Variants in CFAP61 observed in about 807,000 individuals in gnomAD.
The protein encoded by CFAP61 is cilia- and flagella-associated protein 61.
CFAP61 carries 107 observed loss-of-function variants against 135.6 expected under a neutral mutation model. That is an observed-to-expected ratio of 0.79 (90% confidence interval 0.67 to 0.93). The LOEUF (loss-of-function observed/expected upper bound fraction) is 0.93. Ranked by LOEUF, CFAP61 falls within the 40% of genes least tolerant of loss-of-function variation. The pLI is 0.00. For missense variants in CFAP61, 1,507 were observed against 1,556.2 expected (o/e 0.97, Z 0.53); for synonymous variants, 575 against 578.5 (o/e 0.99, Z 0.09).
chr20:20,171,216 G>GT (rs1353039083), intron 13 of CFAP61, among the ~76,000 whole-genome samples: 1 of 152,172 alleles, frequency 6.6e-6, no homozygotes, highest in Non-Finnish European at 1.5e-5. Context: ...CTAAACTGTT[G>GT]TATCAGAGTG....
At chr20:20,180,318 G>C (rs1415078605) in intron 13 of CFAP61, among the ~76,000 whole-genome samples, 1 of 150,522 alleles carries the variant, frequency 6.6e-6, no homozygotes, top group Non-Finnish European at 1.5e-5. Flanking sequence ...AACAGAGTGA[G>C]ACTCTGTCTC....
chr20:20,355,811 C>T (rs1887631137), intron 26 of CFAP61, among the ~76,000 whole-genome samples: 1 of 134,048 alleles, frequency 7.5e-6, no homozygotes. Context: ...GGTAGTGACA[C>T]TGTGAGCAGA....
rs1042546596 is a variant in CFAP61 at position 20,314,124 on chromosome 20, C to T, written c.3422+15738C>T. Among the ~76,000 whole-genome samples the T allele has an allele frequency of 9.4e-5, 14 of 149,698 alleles. No homozygotes were observed. The Middle Eastern group carries it at 0.017, about 184-fold the overall frequency. The stretch of plus-strand genomic sequence containing the variant: ...TGAGAGCGAGTGCAGTGGCTCGTGC[C>T]TATAATTCCAGCACTTTGGGAGACT... On this transcript the variant is annotated intron_variant, in intron 25 of 26. Transcript: ENST00000245957.
At chr20:20,091,989 G>A (rs752521016) in intron 7 of CFAP61, among the ~76,000 whole-genome samples, 9 of 152,150 alleles carry the variant, frequency 5.9e-5, no homozygotes, top group Non-Finnish European at 1.3e-4. Context: ...GCTAGTTCCT[G>A]CAATTCTTTT....
At chr20:20,232,418 C>T (rs779850061) in intron 18 of CFAP61, among the ~76,000 whole-genome samples, 3 of 151,988 alleles carry the variant, frequency 2.0e-5, no homozygotes, top group East Asian at 1.9e-4. Context: ...GAGAAGGAGC[C>T]GGAACCAGGT....
At chr20:20,322,731 C>G (rs1370767593) in intron 25 of CFAP61, 1 of 985,038 alleles carries the variant, frequency 1.0e-6, no homozygotes, top group Non-Finnish European at 1.2e-6. Context: ...TGTGGCCTCT[C>G]GAGAACAGAA....
chr20:20,216,537 G>A (rs2048047264), intron 17 of CFAP61, among the ~76,000 whole-genome samples: 1 of 152,244 alleles, frequency 6.6e-6, no homozygotes, highest in African/African-American at 2.4e-5. Flanking sequence ...ACTCTCATGA[G>A]CAGCAACCCA....
At chr20:20,303,756 C>G (rs2056253476) in intron 25 of CFAP61, among the ~76,000 whole-genome samples, 1 of 152,204 alleles carries the variant, frequency 6.6e-6, no homozygotes, top group Admixed American at 6.5e-5. Context: ...CATTTGCGCA[C>G]TTCCATCCAC....
intron 12 of CFAP61, 129 bp downstream of exon 12, chr20:20,166,565 G>A: frequency 1.5e-6 from 1 of 686,222 alleles, no homozygotes; most frequent in East Asian, 2.7e-5. Flanking sequence ...CAAATGGCAT[G>A]TCATGAGCTC....
At chr20:20,292,539 T>C (rs2147069357) in intron 24 of CFAP61, among the ~76,000 whole-genome samples, 1 of 152,300 alleles carries the variant, frequency 6.6e-6, no homozygotes, top group African/African-American at 2.4e-5. Context: ...TGGGCACAGA[T>C]TGTCTCTGCT....
intron 9 of CFAP61, among the ~76,000 whole-genome samples, chr20:20,149,347 G>C (rs563872638): frequency 6.6e-6 from 1 of 152,318 alleles, no homozygotes; most frequent in East Asian, 1.9e-4. Context: ...TGGCAGATAG[G>C]AAACAGGGCT....
chr20:20,148,084 G>A (rs2052053801), intron 9 of CFAP61, among the ~76,000 whole-genome samples: 1 of 151,984 alleles, frequency 6.6e-6, no homozygotes, highest in African/African-American at 2.4e-5. Context: ...TTATTTCTGG[G>A]TTCTCTGTTC....
At chr20:20,296,284 CCCTTCCCTCCTTCCCTTCCTTCCTT>C (rs2055526614) in intron 24 of CFAP61, among the ~76,000 whole-genome samples, 1 of 17,080 alleles carries the variant, frequency 5.9e-5, no homozygotes, top group African/African-American at 2.3e-4. Flanking sequence ...CTTCCCTCAT[CCCTTCCCTCCTTCCCTTCCTTCCTT>C]CCTTCCCTCC....
chr20:20,097,406 CTA>C (rs1478491884), intron 7 of CFAP61, among the ~76,000 whole-genome samples: 2 of 152,162 alleles, frequency 1.3e-5, no homozygotes, highest in Non-Finnish European at 2.9e-5. Context: ...ATTTAAAGGA[CTA>C]TGTATTTTCT....
At chr20:20,212,912 G>A (rs2047757573) in intron 17 of CFAP61, among the ~76,000 whole-genome samples, 1 of 152,192 alleles carries the variant, frequency 6.6e-6, no homozygotes, top group African/African-American at 2.4e-5. Context: ...CATAGCACTT[G>A]TGTTCTAGTT....
intron 10 of CFAP61, among the ~76,000 whole-genome samples, chr20:20,161,216 G>T (rs547302075): frequency 6.6e-6 from 1 of 152,148 alleles, no homozygotes; most frequent in East Asian, 1.9e-4. Context: ...TCCTAAGAGG[G>T]TAGCCGTTCC....
At chr20:20,163,433 G>A (rs1157811132) in intron 10 of CFAP61, among the ~76,000 whole-genome samples, 1 of 152,082 alleles carries the variant, frequency 6.6e-6, no homozygotes, top group Non-Finnish European at 1.5e-5. Flanking sequence ...CAGCTTTGGG[G>A]ACAGAGGGAT....
At chr20:20,179,806 G>A (rs1225618711) in intron 13 of CFAP61, among the ~76,000 whole-genome samples, 1 of 152,130 alleles carries the variant, frequency 6.6e-6, no homozygotes, top group Non-Finnish European at 1.5e-5. Context: ...AATCGTGCTG[G>A]GATAACTGGG....
intron 8 of CFAP61, among the ~76,000 whole-genome samples, chr20:20,112,051 T>G (rs2048835883): frequency 1.3e-5 from 2 of 152,328 alleles, no homozygotes; most frequent in South Asian, 4.1e-4. Context: ...TATAGCTTAT[T>G]ATAGCTTCTA....
Sources: allele counts gnomAD v4.1 joint callset (sites outside exome capture counted in the v4.1 genomes callset), GRCh38; gene constraint gnomAD v4.1.1; transcripts MANE v1.5; gene names NCBI Gene and HGNC (gene_info 2026-07-23, HGNC 2026-07-21).